Variants in ANKS1B observed in about 807,000 individuals in gnomAD.
The protein encoded by ANKS1B is ankyrin repeat and sterile alpha motif domain-containing protein 1B.
Under a neutral mutation model 148.3 loss-of-function variants are expected in ANKS1B, and 36 were observed. The observed-to-expected ratio is 0.24, with a 90% CI of 0.19 to 0.32. ANKS1B has a LOEUF of 0.32. ANKS1B is among the 10% of genes least tolerant of loss of function. The pLI is 1.00. For missense variants in ANKS1B, 1,157 were observed against 1,542.6 expected (o/e 0.75, Z 4.19); for synonymous variants, 542 against 560.8 (o/e 0.97, Z 0.47).
chr12:99,471,435 A>G (rs971126878), intron 10 of ANKS1B, among the ~76,000 whole-genome samples: 5 of 152,096 alleles, frequency 3.3e-5, no homozygotes, highest in Non-Finnish European at 4.4e-5. Context: ...TGAATGTGTT[A>G]TAAGTTTTGT....
intron 11 of ANKS1B, among the ~76,000 whole-genome samples, chr12:99,441,839 TAAACTC>T (rs2095555438): frequency 6.6e-6 from 1 of 151,966 alleles, no homozygotes; most frequent in Non-Finnish European, 1.5e-5. Context: ...CAGGTGAACC[TAAACTC>T]AATTAGAATA....
chr12:99,730,501 A>T (rs1461861536), intron 8 of ANKS1B, among the ~76,000 whole-genome samples: 1 of 152,228 alleles, frequency 6.6e-6, no homozygotes, highest in Admixed American at 6.5e-5. Flanking sequence ...GACTAAGGCA[A>T]GGACAATCAG....
intron 14 of ANKS1B, among the ~76,000 whole-genome samples, chr12:99,167,193 T>C (rs2077271164): frequency 6.6e-6 from 1 of 151,968 alleles, no homozygotes; most frequent in African/African-American, 2.4e-5. Flanking sequence ...GGGAAAGTCT[T>C]AACCTTACAG....
intron 22 of ANKS1B, among the ~76,000 whole-genome samples, chr12:98,782,359 T>G (rs1449361694): frequency 3.3e-5 from 5 of 152,228 alleles, no homozygotes; most frequent in African/African-American, 1.2e-4. Context: ...TCTCTGTTTC[T>G]CATCATTCTG....
intron 8 of ANKS1B, among the ~76,000 whole-genome samples, chr12:99,710,229 C>T (rs2056437429): frequency 6.6e-6 from 1 of 152,246 alleles, no homozygotes; most frequent in South Asian, 2.1e-4. Context: ...ATTAGAATTC[C>T]TCTTGACTTT....
At chr12:99,118,762 G>T (rs1171124320) in intron 15 of ANKS1B, among the ~76,000 whole-genome samples, 1 of 152,190 alleles carries the variant, frequency 6.6e-6, no homozygotes, top group Non-Finnish European at 1.5e-5. Flanking sequence ...AAAAATGACT[G>T]CAGGCGACTT....
chr12:99,703,203 T>C (rs1474432638), intron 8 of ANKS1B, among the ~76,000 whole-genome samples: 1 of 152,146 alleles, frequency 6.6e-6, no homozygotes, highest in Admixed American at 6.6e-5. Flanking sequence ...CTGACTTGAA[T>C]TAGATCAATC....
At chr12:99,275,298 T>C (rs967115506) in intron 12 of ANKS1B, among the ~76,000 whole-genome samples, 1 of 152,192 alleles carries the variant, frequency 6.6e-6, no homozygotes, top group Admixed American at 6.5e-5. Context: ...TTCTATTCAT[T>C]GCATCTAACT....
intron 9 of ANKS1B, among the ~76,000 whole-genome samples, chr12:99,542,707 A>G (rs894068026): frequency 3.3e-5 from 5 of 152,188 alleles, no homozygotes; most frequent in Non-Finnish European, 7.4e-5. Context: ...GTGGTACAGC[A>G]TAAGAATAGT....
chr12:99,624,203 T>C (rs2098086879), intron 9 of ANKS1B, among the ~76,000 whole-genome samples: 1 of 152,130 alleles, frequency 6.6e-6, no homozygotes. Flanking sequence ...GCTAGCCATG[T>C]GCAAAAGATT....
chr12:99,360,987 G>C (rs142662489), intron 12 of ANKS1B, among the ~76,000 whole-genome samples: 1,551 of 152,134 alleles, frequency 0.01, 28 homozygotes, highest in African/African-American at 0.036. Context: ...GCGGGGAGGT[G>C]GGGATGGTTA....
At chr12:99,417,014 T>G (rs996865310) in intron 11 of ANKS1B, among the ~76,000 whole-genome samples, 5 of 152,182 alleles carry the variant, frequency 3.3e-5, no homozygotes, top group African/African-American at 4.8e-5. Context: ...TATCACTTCT[T>G]AAACACGTGC....
intron 9 of ANKS1B, among the ~76,000 whole-genome samples, chr12:99,607,201 C>G (rs1024028957): frequency 2.0e-4 from 30 of 152,182 alleles, no homozygotes; most frequent in Non-Finnish European, 3.1e-4. Flanking sequence ...ACCATAGCCT[C>G]CTTCCCAGAC....
intron 9 of ANKS1B, among the ~76,000 whole-genome samples, chr12:99,648,988 A>G (rs1370055978): frequency 1.3e-5 from 2 of 152,130 alleles, no homozygotes; most frequent in Non-Finnish European, 2.9e-5. Flanking sequence ...CCAAGCCTGA[A>G]TTTCAGAGAT....
In ANKS1B at chr12:99,853,142, T is replaced by TA. The variant is rs202115081; in HGVS notation, c.135-27754dup. 8.2e-3 allele frequency among the ~76,000 whole-genome samples: 1,237 copies of TA among 151,778 alleles called. 60 individuals carry two copies. The highest frequency in any genetic ancestry group is 0.071 in the Admixed American group (1,079 of 15,244). ...GTGTTTCTCTACCCACACTGGTAGC[T>TA]AAAAAAAAGGACAATCTCTTAGGAG... On this transcript the variant is annotated intron_variant, in intron 1 of 26. Coordinates refer to ENST00000683438, the MANE Select transcript of ANKS1B (RefSeq NM_001352186.2).
chr12:99,643,331 TAA>T (rs1392640092), intron 9 of ANKS1B, among the ~76,000 whole-genome samples: 2 of 152,160 alleles, frequency 1.3e-5, no homozygotes, highest in Admixed American at 1.3e-4. Flanking sequence ...GAAACTGGAA[TAA>T]AAAGTTATTC....
chr12:98,801,340 T>C lies in ANKS1B; in HGVS notation c.3142-215A>G, dbSNP rs1409374313. 6.6e-6 allele frequency among the ~76,000 whole-genome samples: 1 copy of C among 152,238 alleles called. No homozygotes were observed. Among genetic ancestry groups the C allele is most frequent in the African/African-American group, 2.4e-5 (1 of 41,456 alleles). On this transcript the variant is annotated intron_variant, in intron 20 of 26. Coordinates refer to ENST00000683438, the MANE Select transcript of ANKS1B (RefSeq NM_001352186.2). This position sits in a 1 kb window ranked among gnomAD's most constrained non-coding sequence, Gnocchi z 5.2. ...TTTTTGAGGTGTGGAGTTGAATTAT[T>C]CTATTTTTAGAATGACATCCTAAGC...
chr12:99,415,528 C>T (rs2094869318), intron 11 of ANKS1B, among the ~76,000 whole-genome samples: 1 of 152,064 alleles, frequency 6.6e-6, no homozygotes, highest in African/African-American at 2.4e-5. Context: ...TTTTTATTTT[C>T]AATAATTGTA....
intron 14 of ANKS1B, among the ~76,000 whole-genome samples, chr12:99,177,308 G>C (rs1428485465): frequency 6.6e-6 from 1 of 152,164 alleles, no homozygotes; most frequent in Non-Finnish European, 1.5e-5. Flanking sequence ...ATAGCTCAAT[G>C]AATGAAGTCA....
Sources: gnomAD v4.1 joint callset for allele counts (sites outside exome capture counted in the v4.1 genomes callset) on GRCh38, gnomAD v4.1.1 for gene constraint, Gnocchi (gnomAD v3.1) non-coding constraint, MANE v1.5 for transcripts, NCBI Gene and HGNC (gene_info 2026-07-23, HGNC 2026-07-21) for gene names.